The following KANK1 variants were observed in gnomAD, a reference collection of about 807,000 sequenced individuals.
The protein encoded by KANK1 is KN motif and ankyrin repeat domain-containing protein 1.
KANK1 carries 109 observed loss-of-function variants against 106.2 expected under a neutral mutation model. The observed-to-expected ratio is 1.03, with a 90% confidence interval of 0.88 to 1.20. The LOEUF (loss-of-function observed/expected upper bound fraction) is 1.20. Among genes scored for constraint, KANK1 ranks in the 50% most tolerant of loss-of-function variants. KANK1 has a pLI of 0.00. For missense variants in KANK1, 2,399 were observed against 1,710.7 expected (o/e 1.40, Z -7.10); for synonymous variants, 873 against 652.2 (o/e 1.34, Z -5.16).
In KANK1 at chr9:562,341, C is replaced by T. The variant is rs138074166; in HGVS notation, c.-84+57587C>T. Reference sequence around the variant, plus strand: ...TGCTGGGATTACAGGCGTGAGCCACCGCGCCCGGCCCAAGTAAATTGCATT... The same window carrying T: ...TGCTGGGATTACAGGCGTGAGCCACTGCGCCCGGCCCAAGTAAATTGCATT... On this transcript the variant is annotated intron_variant, in intron 1 of 11. Transcript: ENST00000382297. Among the ~76,000 whole-genome samples, 685 of 152,248 alleles carry T rather than the reference C, an allele frequency of 4.5e-3. 13 individuals carry two copies. The East Asian group carries it at 0.049, about 11-fold the overall frequency.
chr9:604,955 C>G lies in KANK1; in HGVS notation c.-83-71935C>G, dbSNP rs35271644. ...TTCTTTATAGCAGTGTGAAAATGGA[C>G]TAATGCAATTGGGCAATGTCTGACA... On this transcript the variant is annotated intron_variant, in intron 1 of 11. Transcript: ENST00000382297. Among the ~76,000 whole-genome samples, 3 of 151,858 alleles carry G rather than the reference C, an allele frequency of 2.0e-5. No individual in the cohort carries two copies. The South Asian group carries it at 6.2e-4, about 31-fold the overall frequency.
rs570280744 is a variant in KANK1, at chr9:482,986, T to G, written c.-362+9713T>G. 3.3e-5 allele frequency among the ~76,000 whole-genome samples: 5 copies of G among 152,348 alleles called. No individual in the cohort carries two copies. The East Asian group carries it at 9.6e-4, about 29-fold the overall frequency. ...TAGAGGCTCCCTGCCTGTTAATCAC[T>G]TAGTAGATCTGTTGGTTATCAGGTC... On this transcript the variant is annotated intron_variant, in intron 3 of 15. Transcript: ENST00000382303.
At chr9:556,943 A>G (rs1470555927) in intron 1 of KANK1, among the ~76,000 whole-genome samples, 1 of 152,110 alleles carries the variant, frequency 6.6e-6, no homozygotes, top group African/African-American at 2.4e-5. Flanking sequence ...AGATGATAAA[A>G]ATTTGAATAT....
intron 1 of KANK1, among the ~76,000 whole-genome samples, chr9:553,135 G>A (rs2061378136): frequency 1.3e-5 from 2 of 152,090 alleles, no homozygotes; most frequent in Admixed American, 6.5e-5. Flanking sequence ...GACAGACAGC[G>A]AGACCCTGTC....
At chr9:632,663 C>T (rs1836025129) in intron 1 of KANK1, among the ~76,000 whole-genome samples, 2 of 152,100 alleles carry the variant, frequency 1.3e-5, no homozygotes, top group Admixed American at 1.3e-4. Context: ...CTTTGATCCT[C>T]ATGAGATAAT....
intron 1 of KANK1, among the ~76,000 whole-genome samples, chr9:604,613 CT>C (rs1828622005): frequency 6.6e-6 from 1 of 151,770 alleles, no homozygotes; most frequent in African/African-American, 2.4e-5. Flanking sequence ...GGGCAGATCA[CT>C]TGAGGTCAGG....
chr9:702,705 C>T (rs564196637), intron 2 of KANK1, among the ~76,000 whole-genome samples: 3 of 152,098 alleles, frequency 2.0e-5, no homozygotes, highest in Non-Finnish European at 4.4e-5. Context: ...ATTGTCAAGA[C>T]GATCTTTGTT....
At chr9:586,797 T>C (rs962918533) in intron 1 of KANK1, among the ~76,000 whole-genome samples, 1 of 152,224 alleles carries the variant, frequency 6.6e-6, no homozygotes, top group African/African-American at 2.4e-5. Context: ...ATAGCTAGCC[T>C]TTACCTAAAG....
At chr9:634,179 T>G (rs1356667407) in intron 1 of KANK1, among the ~76,000 whole-genome samples, 2 of 152,196 alleles carry the variant, frequency 1.3e-5, no homozygotes, top group Admixed American at 6.5e-5. Flanking sequence ...ATTATTCAAA[T>G]CAATCTCCCC....
intron 1 of KANK1, among the ~76,000 whole-genome samples, chr9:516,624 G>A (rs2059288284): frequency 6.6e-6 from 1 of 151,566 alleles, no homozygotes; most frequent in Non-Finnish European, 1.5e-5. Context: ...ACAGAAATGT[G>A]GGTGCGAAGT....
upstream of KANK1, among the ~76,000 whole-genome samples, chr9:501,640 ACCC>A (rs941202757): frequency 2.7e-5 from 4 of 150,124 alleles, no homozygotes; most frequent in East Asian, 3.9e-4. Context: ...ACACACACAC[ACCC>A]CAATTGCTTG....
At chr9:721,965 C>G (rs1395547137) in intron 3 of KANK1, among the ~76,000 whole-genome samples, 3 of 152,208 alleles carry the variant, frequency 2.0e-5, no homozygotes, top group Admixed American at 2.0e-4. Flanking sequence ...CTCCATAGCT[C>G]ACACCTCAGG....
At chr9:604,408 G>A (rs1828564218) in intron 1 of KANK1, among the ~76,000 whole-genome samples, 1 of 151,632 alleles carries the variant, frequency 6.6e-6, no homozygotes, top group Non-Finnish European at 1.5e-5. Context: ...CTGATAGCGA[G>A]GGAGTTCTCA....
chr9:556,081 A>G (rs1036251357), intron 1 of KANK1, among the ~76,000 whole-genome samples: 1 of 152,160 alleles, frequency 6.6e-6, no homozygotes, highest in Non-Finnish European at 1.5e-5. Context: ...TTCTTTCTCT[A>G]CAGTCTGTTT....
intron 1 of KANK1, among the ~76,000 whole-genome samples, chr9:647,345 T>C (rs1471107097): frequency 4.1e-5 from 4 of 98,178 alleles, no homozygotes; most frequent in African/African-American, 1.3e-4. Flanking sequence ...ATTCTTGGCA[T>C]TATAAATGAC....
At chr9:728,853 C>T (rs1020657012) in intron 3 of KANK1, among the ~76,000 whole-genome samples, 2 of 152,158 alleles carry the variant, frequency 1.3e-5, no homozygotes, top group Admixed American at 6.5e-5. Flanking sequence ...TTGAATCTAC[C>T]GAAGACCTGG....
chr9:726,839 A>C (rs1830801048), intron 3 of KANK1, among the ~76,000 whole-genome samples: 1 of 152,124 alleles, frequency 6.6e-6, no homozygotes, highest in Non-Finnish European at 1.5e-5. Context: ...AGGTGCCCAT[A>C]ATCCCAGCTA....
rs1340071901 is a variant in KANK1 at position 539,544 on chromosome 9, G to A, written c.-84+34790G>A. 4 of 152,066 alleles carry A rather than the reference G, an allele frequency of 2.6e-5. No individual in the cohort carries two copies. The East Asian group carries it at 5.8e-4, about 22-fold the overall frequency. The allele number at this position is 152,066 out of a possible 1,614,324, so 9.4% of individuals were successfully genotyped here. ...CTCACTCTGTCACCTGAGCTAGAGT[G>A]CAGTGGTGCGATCACAGCTTACTGC... On this transcript the variant is annotated intron_variant, in intron 1 of 11. Coordinates refer to ENST00000382297, the MANE Select transcript of KANK1 (RefSeq NM_015158.5).
intron 1 of KANK1, among the ~76,000 whole-genome samples, chr9:646,152 G>A (rs1455437525): frequency 1.3e-5 from 2 of 150,600 alleles, no homozygotes; most frequent in African/African-American, 2.5e-5. Context: ...TCAGAAAATA[G>A]GGATTATCAC....
Sources: gnomAD v4.1 joint callset for allele counts (sites outside exome capture counted in the v4.1 genomes callset) on GRCh38, gnomAD v4.1.1 for gene constraint, MANE v1.5 for transcripts, NCBI Gene and HGNC (gene_info 2026-07-23, HGNC 2026-07-21) for gene names.